ENDOU: variants seen among roughly 807,000 people sequenced by gnomAD.
The protein encoded by ENDOU is uridylate-specific endoribonuclease.
A neutral mutation model predicts 54.2 loss-of-function variants in ENDOU; 49 were observed. The observed-to-expected ratio is 0.90, with a 90% CI of 0.72 to 1.15. The LOEUF is 1.15. Ranked by LOEUF, ENDOU falls within the 50% of genes most tolerant of loss-of-function variation. ENDOU has a pLI of 0.00. For synonymous variants in ENDOU, 172 were observed against 190.5 expected (o/e 0.90, Z 0.80); for missense variants, 458 against 511.4 (o/e 0.90, Z 1.01).
At chr12:47,717,951 C>T (rs1040318122) in intron 3 of ENDOU, 178 bp downstream of exon 3, 11 of 640,556 alleles carry the variant, frequency 1.7e-5, no homozygotes, top group Non-Finnish European at 2.4e-5. Flanking sequence ...CTCCCATGGC[C>T]CCCCAGGCTG....
rs376581416 is a variant in ENDOU, at chr12:47,725,190, C to T, written c.55+169G>A. Among the ~76,000 whole-genome samples, 234 of 152,346 alleles carry T rather than the reference C, an allele frequency of 1.5e-3. 3 individuals carry two copies. Among genetic ancestry groups the T allele is most frequent in the African/African-American group, 5.2e-3 (217 of 41,570 alleles). Reference sequence around the variant, plus strand: ...ATAGTCCAGTCCATTCCGGGACCAACGCCTGCACCCTCAGACAAGGACAAC... The same window carrying T: ...ATAGTCCAGTCCATTCCGGGACCAATGCCTGCACCCTCAGACAAGGACAAC... On this transcript the variant is annotated intron_variant, in intron 1 of 9. Coordinates refer to ENST00000422538, the MANE Select transcript of ENDOU (RefSeq NM_001172439.2).
In ENDOU at chr12:47,710,655, T is replaced by C. The variant is rs537072794; in HGVS notation, c.*147A>G. The C allele has an allele frequency of 1.5e-6, 1 of 668,056 alleles. No homozygotes were observed. The highest frequency in any genetic ancestry group is 2.8e-6 in the Non-Finnish European group (1 of 363,208). 41.4% of individuals were successfully genotyped at this position (668,056 alleles called of 1,614,324 possible). ...ATTTGTACATTTTATCTCTTTCCCA[T>C]GTGGGCACTTTGGGATTTAGGAATG... On this transcript the variant is annotated 3_prime_UTR_variant, in exon 10 of 10. Coordinates refer to ENST00000422538, the MANE Select transcript of ENDOU (RefSeq NM_001172439.2).
chr12:47,714,554 A>G (rs546720176), intron 6 of ENDOU, among the ~76,000 whole-genome samples: 13 of 152,356 alleles, frequency 8.5e-5, no homozygotes, highest in Non-Finnish European at 1.8e-4. Context: ...AGTGATGGAC[A>G]TTACATTACT....
intron 4 of ENDOU, 95 bp from the exon 5 acceptor site, chr12:47,717,153 A>G: frequency 9.5e-7 from 1 of 1,047,936 alleles, no homozygotes; most frequent in South Asian, 1.4e-5. Flanking sequence ...GGCACCTTCA[A>G]GAAGCCAGCA....
At position 47,713,300 on chromosome 12, in the gene ENDOU, C is replaced by G. The variant is rs537036240; in HGVS notation, c.840G>C (p.Ser280=). 1.2e-6 allele frequency: 2 copies of G among 1,613,112 alleles called. No individual in the cohort carries two copies. Among genetic ancestry groups the G allele is most frequent in the Admixed American group, 1.7e-5 (1 of 60,028 alleles). Residue 280 remains serine, a synonymous_variant, in exon 7 of 10, where the codon TCG becomes TCC. Coordinates refer to ENST00000422538, the MANE Select transcript of ENDOU (RefSeq NM_001172439.2). ...CTGAGAAGACATGTTCAAAGCCACT[C>G]GAGTCCCCCTCTTCATTGCCTCTTG... ...LYSRGNEEGD[S]SGFEHVFSGE...
chr12:47,717,776 G>T, intron 3 of ENDOU, 121 bp from the exon 4 acceptor site: 1 of 1,062,428 alleles, frequency 9.4e-7, no homozygotes, highest in Non-Finnish European at 1.4e-6. Flanking sequence ...TCCAGGGAAG[G>T]AAAACAAACA....
intron 5 of ENDOU, 97 bp from the exon 6 acceptor site, chr12:47,716,596 G>T: frequency 8.5e-7 from 1 of 1,177,598 alleles, no homozygotes; most frequent in Non-Finnish European, 1.2e-6. Flanking sequence ...ACAGGCGAGG[G>T]CTGGGTTCAG....
chr12:47,715,984 T>C (rs927192215), intron 6 of ENDOU, among the ~76,000 whole-genome samples: 2 of 151,820 alleles, frequency 1.3e-5, no homozygotes, highest in Non-Finnish European at 2.9e-5. Flanking sequence ...GGGGGTGGGA[T>C]GTGAGGGGAG....
At chr12:47,723,307 A>G (rs529830633) in intron 1 of ENDOU, among the ~76,000 whole-genome samples, 2 of 152,278 alleles carry the variant, frequency 1.3e-5, no homozygotes, top group Admixed American at 1.3e-4. Flanking sequence ...AGTGGAGTGC[A>G]GGGGTGGGAG....
chr12:47,724,217 C>T (rs909941243), intron 1 of ENDOU, among the ~76,000 whole-genome samples: 1 of 152,212 alleles, frequency 6.6e-6, no homozygotes, highest in African/African-American at 2.4e-5. Flanking sequence ...CACCTTCCTC[C>T]CAACCAACAG....
chr12:47,713,375 T>C lies in ENDOU; in HGVS notation c.765A>G (p.Ser255=), dbSNP rs1487580839. 6.2e-7 allele frequency: 1 copy of C among 1,613,918 alleles called. No individual in the cohort carries two copies. The highest frequency in any genetic ancestry group is 2.2e-5 in the East Asian group (1 of 44,870). The change falls in exon 7 of 10, where the codon TCA becomes TCG. Residue 255 remains serine (S), a synonymous_variant. Coordinates refer to ENST00000422538, the MANE Select transcript of ENDOU (RefSeq NM_001172439.2). ...TCAAGTCATCGACAAACTCTTGCTC[T>C]GAGCCATAGCGATCTGCAGAGGAAC... The part of the protein sequence containing the change: ...SFLHHQNRYG[S]EQEFVDDLKN...
At position 47,716,327 on chromosome 12, in the gene ENDOU, C is replaced by T; in HGVS notation, c.724G>A (p.Glu242Lys). The change falls in exon 6 of 10, where the codon GAG (glutamate) becomes AAG (lysine). Residue 242 changes from glutamate (E) to lysine (K), a missense_variant. Transcript: ENST00000422538. ...TGGTGATGGAGGAAGCTGTAGAGCTCCTTCATGACTGCTGTCTTCATGATC... is the reference window on the plus strand; with the variant it reads ...TGGTGATGGAGGAAGCTGTAGAGCTTCTTCATGACTGCTGTCTTCATGATC... ...REIMKTAVMKELYSFLHHQNR... is the reference protein window; with the variant it reads ...REIMKTAVMKKLYSFLHHQNR... 6.2e-7 allele frequency: 1 copy of T among 1,614,096 alleles called. No individual in the cohort carries two copies. Among genetic ancestry groups the T allele is most frequent in the Non-Finnish European group, 8.5e-7 (1 of 1,180,018 alleles).
intron 6 of ENDOU, among the ~76,000 whole-genome samples, chr12:47,715,739 C>T (rs1052912652): frequency 6.6e-6 from 1 of 152,184 alleles, no homozygotes; most frequent in Non-Finnish European, 1.5e-5. Context: ...CTTTTTTGGT[C>T]TGACTCAAAT....
intron 5 of ENDOU, 91 bp downstream of exon 5, chr12:47,716,799 G>T: frequency 1.5e-6 from 2 of 1,331,472 alleles, no homozygotes; most frequent in Non-Finnish European, 2.1e-6. Context: ...CTTTGATCGT[G>T]CCTGACTTGA....
At chr12:47,711,523 C>A (rs745839623) in intron 9 of ENDOU, 110 bp downstream of exon 9, 5 of 1,306,958 alleles carry the variant, frequency 3.8e-6, no homozygotes, top group Non-Finnish European at 5.2e-6. Context: ...CAGATTTGTC[C>A]AAGCCCTCTC....
chr12:47,712,627 A>C lies in ENDOU; in HGVS notation c.866-5T>G. On this transcript the variant is annotated splice_polypyrimidine_tract_variant and splice_region_variant and intron_variant, in intron 7 of 9. Transcript: ENST00000422538. ...CCTTGCCTTTTTTTACCTCACCTAT[A>C]ATAAAGAGTCCAAGATGGATAATCT... The C allele has an allele frequency of 1.2e-6, 2 of 1,607,166 alleles. No homozygotes were observed. The highest frequency in any genetic ancestry group is 1.7e-6 in the Non-Finnish European group (2 of 1,174,044).
rs1312365256 is a variant in ENDOU at position 47,710,760 on chromosome 12, T to G, written c.*42A>C. 7.5e-7 allele frequency: 1 copy of G among 1,329,876 alleles called. No individual in the cohort carries two copies. Among genetic ancestry groups the G allele is most frequent in the Admixed American group, 1.7e-5 (1 of 59,676 alleles). The allele number at this position is 1,329,876 out of a possible 1,614,324, so 82.4% of individuals were successfully genotyped here. On this transcript the variant is annotated 3_prime_UTR_variant, in exon 10 of 10. Coordinates refer to ENST00000422538, the MANE Select transcript of ENDOU (RefSeq NM_001172439.2). ...TAGTCCAGAGAAGATAGCACTTCAG[T>G]CTCGCAAGAGCCCTCATGCCCCTTT...
At position 47,725,381 on chromosome 12, in the gene ENDOU, C is replaced by T. The variant is rs1940553513; in HGVS notation, c.33G>A (p.Val11=). Residue 11 remains valine, a synonymous_variant, in exon 1 of 10, where the codon GTG becomes GTA. Coordinates refer to ENST00000422538, the MANE Select transcript of ENDOU (RefSeq NM_001172439.2). MRACISLVLA[V]LCGLAWAGKI... is the part of the protein sequence containing the mutation. ...TACCAGCCCAGGCCAGGCCACACAG[C>T]ACGGCCAATACCAGGGAGATGCAGG... 1 of 1,614,108 alleles carries T rather than the reference C, an allele frequency of 6.2e-7. No individual in the cohort carries two copies. The highest frequency in any genetic ancestry group is 1.1e-5 in the South Asian group (1 of 91,088).
rs747524334 is a variant in ENDOU at position 47,717,064 on chromosome 12, A to C, written c.383-6T>G. The C allele has an allele frequency of 4.3e-6, 7 of 1,613,352 alleles. No individual in the cohort carries two copies. In the South Asian group the frequency reaches 7.7e-5, roughly 18 times the overall value. ...ATCACTGCTGTGGGAGACCTCTGGG[A>C]GGAATTGGAAGAGGGGTGGCCTCAG... On this transcript the variant is annotated splice_polypyrimidine_tract_variant and splice_region_variant and intron_variant, in intron 4 of 9. Transcript: ENST00000422538.
Sources: allele counts gnomAD v4.1 joint callset (sites outside exome capture counted in the v4.1 genomes callset), GRCh38; gene constraint gnomAD v4.1.1; transcripts MANE v1.5; gene names NCBI Gene and HGNC (gene_info 2026-07-23, HGNC 2026-07-21).